ZFP37: variants seen among roughly 807,000 people sequenced by gnomAD.
ZFP37 encodes the protein zinc finger protein 37 homolog.
Under a neutral mutation model 52.1 loss-of-function variants are expected in ZFP37, and 38 were observed. That is an observed-to-expected ratio of 0.73 (90% CI 0.56 to 0.96). The LOEUF (loss-of-function observed/expected upper bound fraction) is 0.96. Ranked by LOEUF, ZFP37 falls within the 40% of genes least tolerant of loss-of-function variation. ZFP37 has a pLI of 0.00. For missense variants in ZFP37, 695 were observed against 741.4 expected, an observed-to-expected ratio of 0.94 and a Z score of 0.73; for synonymous variants, 253 against 259.5, an observed-to-expected ratio of 0.98 and a Z score of 0.24.
Position 113,042,732 on chromosome 9 carries a change from T to A in ZFP37, c.1886A>T (p.His629Leu). 6.5e-7 allele frequency: 1 copy of A among 1,545,018 alleles called. No individual in the cohort carries two copies. The highest frequency in any genetic ancestry group is 1.7e-4 in the Middle Eastern group (1 of 5,746). The change falls in exon 4 of 4, where the codon CAT becomes CTT. Residue 629 changes from histidine to leucine, a missense_variant. By Grantham distance (99) the His-to-Leu change is moderately conservative. This residue lies in a region of ZFP37 where 326 missense variants were observed against 400.5 expected (regional missense o/e 0.81). Transcript: ENST00000374227. ...HVKTHSEDKS[H>L]E ...AAATTTCCCACATTAACTTCACTCA[T>A]GAGATTTATCTTCTGAATGAGTTTT...
Position 113,044,168 on chromosome 9 carries a change from A to ATTCTTCTTAGCTTGAGTT in ZFP37, c.432_449dup (p.Lys144_Lys149dup), listed in dbSNP as rs1564344157. On this transcript the variant is annotated inframe_insertion, in exon 4 of 4. Transcript: ENST00000374227. ...TCCCCAGTGAACCACAGTCACTGCC[A>ATTCTTCTTAGCTTGAGTT]TTCTTCTTAGCTTGAGTTTTCTTCT... 2 of 1,610,904 alleles carry ATTCTTCTTAGCTTGAGTT rather than the reference A, an allele frequency of 1.2e-6. No homozygotes were observed. Among genetic ancestry groups the ATTCTTCTTAGCTTGAGTT allele is most frequent in the South Asian group, 1.1e-5 (1 of 89,956 alleles).
chr9:113,054,776 G>T (rs576514709), intron 1 of ZFP37, among the ~76,000 whole-genome samples: 1 of 152,310 alleles, frequency 6.6e-6, no homozygotes, highest in African/African-American at 2.4e-5. Flanking sequence ...ATCTCCAGAT[G>T]TATTCTGAAT....
At position 113,042,974 on chromosome 9, in the gene ZFP37, A is replaced by G. The variant is rs979188462; in HGVS notation, c.1644T>C (p.Asn548=). 7.4e-6 allele frequency: 12 copies of G among 1,613,742 alleles called. No homozygotes were observed. Among genetic ancestry groups the G allele is most frequent in the Non-Finnish European group, 1.0e-5 (12 of 1,179,912 alleles). ...VHTGEKPYEC[N]ECGKAFSQKS... ...TTTGGCTAAAGGCTTTCCCACATTCATTACACTCATACGGTTTCTCTCCAG... is the reference window on the plus strand; with the variant it reads ...TTTGGCTAAAGGCTTTCCCACATTCGTTACACTCATACGGTTTCTCTCCAG... Residue 548 remains asparagine, a synonymous_variant, in exon 4 of 4, where the codon AAT becomes AAC. Coordinates refer to ENST00000374227, the MANE Select transcript of ZFP37 (RefSeq NM_003408.3).
chr9:113,050,894 A>G (rs1370510302), intron 1 of ZFP37, among the ~76,000 whole-genome samples: 2 of 149,264 alleles, frequency 1.3e-5, no homozygotes, highest in African/African-American at 2.4e-5. Flanking sequence ...CTCCATCTCA[A>G]AAAAAAAAAA....
In ZFP37 at chr9:113,043,297, C is replaced by G; in HGVS notation, c.1321G>C (p.Ala441Pro). 1.9e-6 allele frequency: 3 copies of G among 1,613,978 alleles called. No homozygotes were observed. In the South Asian group the frequency reaches 3.3e-5, roughly 18 times the overall value. Residue 441 changes from alanine to proline, a missense_variant, in exon 4 of 4, where the codon GCC becomes CCC. This residue lies in a region of ZFP37 where 326 missense variants were observed against 400.5 expected (regional missense o/e 0.81). Coordinates refer to ENST00000374227, the MANE Select transcript of ZFP37 (RefSeq NM_003408.3). Reference protein sequence around the residue: ...IPYECNECGKAFKYSSSLTKH... With the variant: ...IPYECNECGKPFKYSSSLTKH... The stretch of plus-strand genomic sequence containing the variant: ...GTAAGGGATGAGCTATACTTAAAGG[C>G]TTTTCCACATTCATTGCATTCATAT...
rs528521381 is a variant in ZFP37, at chr9:113,041,257, G to A, written c.*1468C>T. The A allele has an allele frequency of 2.0e-5, 3 of 152,134 alleles. No homozygotes were observed. In the East Asian group the frequency reaches 5.8e-4, roughly 29 times the overall value. The allele number at this position is 152,134 out of a possible 1,614,324, so 9.4% of individuals were successfully genotyped here. ...GAAGTATTTTTAATCTATGGCTCAAGAGTAAAAAAAATCCAGGTGTGCAAT... is the reference window on the plus strand; with the variant it reads ...GAAGTATTTTTAATCTATGGCTCAAAAGTAAAAAAAATCCAGGTGTGCAAT... On this transcript the variant is annotated 3_prime_UTR_variant, in exon 4 of 4. Transcript: ENST00000374227.
chr9:113,043,591 G>A lies in ZFP37; in HGVS notation c.1027C>T (p.His343Tyr), dbSNP rs1013226467. 1.9e-6 allele frequency: 3 copies of A among 1,613,998 alleles called. No individual in the cohort carries two copies. The highest frequency in any genetic ancestry group is 1.1e-5 in the South Asian group (1 of 91,068). Residue 343 changes from histidine (H) to tyrosine (Y), a missense_variant, in exon 4 of 4, where the codon CAC (histidine) becomes TAC (tyrosine). This residue lies in a region of ZFP37 where 326 missense variants were observed against 400.5 expected (regional missense o/e 0.81). Transcript: ENST00000374227. ...CATTCATATGGTTTTTCTCCGGTGT[G>A]AGTTCTCTGATGTACAACAAGGTGT... Reference protein sequence around the residue: ...KSHLVVHQRTHTGEKPYECIQ... With the variant: ...KSHLVVHQRTYTGEKPYECIQ...
At chr9:113,045,512 T>C (rs1460495976) in intron 3 of ZFP37, among the ~76,000 whole-genome samples, 1 of 152,216 alleles carries the variant, frequency 6.6e-6, no homozygotes. Flanking sequence ...AATTTTAAGT[T>C]TATTCCCAGC....
chr9:113,049,033 G>A (rs1282252146), intron 3 of ZFP37, among the ~76,000 whole-genome samples: 1 of 152,216 alleles, frequency 6.6e-6, no homozygotes, highest in African/African-American at 2.4e-5. Context: ...CTTATTGTAA[G>A]TAACTAAAAT....
Position 113,044,070 on chromosome 9 carries a change from A to G in ZFP37, c.548T>C (p.Ile183Thr), listed in dbSNP as rs761456949. 6.2e-6 allele frequency: 10 copies of G among 1,609,104 alleles called. No homozygotes were observed. In the South Asian group the frequency reaches 6.7e-5, roughly 11 times the overall value. The change falls in exon 4 of 4, where the codon ATT becomes ACT. Residue 183 changes from isoleucine to threonine, a missense_variant. Physicochemically the swap from Ile to Thr is moderately conservative, Grantham distance 89 (BLOSUM62 -1). Coordinates refer to ENST00000374227, the MANE Select transcript of ZFP37 (RefSeq NM_003408.3). Reference sequence around the variant, plus strand: ...AGGTAAATCTAAATTCTGTTTCAAAATTTTTCCACATGACTCAAATTTAAG... The same window carrying G: ...AGGTAAATCTAAATTCTGTTTCAAAGTTTTTCCACATGACTCAAATTTAAG... ...RLLKFESCGK[I>T]LKQNLDLPDH...
At position 113,044,079 on chromosome 9, in the gene ZFP37, C is replaced by T. The variant is rs750166589; in HGVS notation, c.539G>A (p.Cys180Tyr). 2 of 1,609,254 alleles carry T rather than the reference C, an allele frequency of 1.2e-6. No individual in the cohort carries two copies. The highest frequency in any genetic ancestry group is 4.5e-5 in the East Asian group (2 of 44,838). The part of the protein sequence containing the change: ...SKKRLLKFES[C>Y]GKILKQNLDL... ...TAAATTCTGTTTCAAAATTTTTCCACATGACTCAAATTTAAGAAGCCTTTT... is the reference window on the plus strand; with the variant it reads ...TAAATTCTGTTTCAAAATTTTTCCATATGACTCAAATTTAAGAAGCCTTTT... Residue 180 changes from cysteine to tyrosine, a missense_variant, in exon 4 of 4, where the codon TGT becomes TAT. Transcript: ENST00000374227.
At position 113,044,035 on chromosome 9, in the gene ZFP37, T is replaced by A. The variant is rs749483709; in HGVS notation, c.583A>T (p.Arg195Ter). ...TCAGATTTCCTTTTTACACAGTTTC[T>A]TGAGTGATCAGGTAAATCTAAATTC... ...KQNLDLPDHS[R>*]NCVKRKSDAA... The change falls in exon 4 of 4, where the codon AGA becomes TGA. Residue 195 changes from arginine to a stop codon, truncating the protein, a stop_gained. Transcript: ENST00000374227. LOFTEE classifies it high-confidence loss of function. 1 of 1,613,564 alleles carries A rather than the reference T, an allele frequency of 6.2e-7. No homozygotes were observed. The highest frequency in any genetic ancestry group is 1.1e-5 in the South Asian group (1 of 90,902).
intron 1 of ZFP37, among the ~76,000 whole-genome samples, chr9:113,056,051 A>T (rs1279714680): frequency 3.6e-5 from 5 of 137,010 alleles, no homozygotes; most frequent in African/African-American, 1.1e-4. Context: ...TTACCCACTG[A>T]CCCTCAAAGA....
chr9:113,038,497 A>T lies in ZFP37; in HGVS notation c.*4228T>A, dbSNP rs945698045. 1.3e-5 allele frequency: 2 copies of T among 151,940 alleles called. No individual in the cohort carries two copies. Among genetic ancestry groups the T allele is most frequent in the African/African-American group, 4.8e-5 (2 of 41,396 alleles). 9.4% of individuals were successfully genotyped at this position (151,940 alleles called of 1,614,324 possible). A position where few individuals can be genotyped will look rare whatever the true frequency, so the allele number is the denominator to read the frequency against. On this transcript the variant is annotated 3_prime_UTR_variant, in exon 4 of 4. Transcript: ENST00000374227. ...TACTATGAAGGTTAAGAAATTAAAGATTTGGCCAAATGTGGTAGCTCACAC... is the reference window on the plus strand; with the variant it reads ...TACTATGAAGGTTAAGAAATTAAAGTTTTGGCCAAATGTGGTAGCTCACAC...
intron 1 of ZFP37, among the ~76,000 whole-genome samples, chr9:113,051,513 C>T (rs3780686): frequency 0.13 from 19,608 of 151,976 alleles, 1,306 homozygotes; most frequent in Admixed American, 0.17. Flanking sequence ...AGTGCAATAG[C>T]GTAATCATAG....
rs1026428399 is a variant in ZFP37 at position 113,042,401 on chromosome 9, A to C, written c.*324T>G. 1.9e-5 allele frequency: 4 copies of C among 209,248 alleles called. No individual in the cohort carries two copies. The highest frequency in any genetic ancestry group is 9.3e-5 in the African/African-American group (4 of 42,908). 13.0% of individuals were successfully genotyped at this position (209,248 alleles called of 1,614,324 possible). On this transcript the variant is annotated 3_prime_UTR_variant, in exon 4 of 4. Transcript: ENST00000374227. ...AGTACAAAACAAGAAGAAACACAGG[A>C]ACTGTCAGCATATATAACTTGTTTC...
chr9:113,056,504 G>T (rs1175813482), intron 1 of ZFP37, 53 bp downstream of exon 1: 8 of 1,599,226 alleles, frequency 5.0e-6, no homozygotes, highest in Non-Finnish European at 6.8e-6. Flanking sequence ...TCACTGCCCC[G>T]CAAGTACACC....
intron 1 of ZFP37, 30 bp downstream of exon 1, chr9:113,056,527 C>A: frequency 6.2e-7 from 1 of 1,609,970 alleles, no homozygotes; most frequent in Admixed American, 1.7e-5. Flanking sequence ...CTCTGACCGC[C>A]AAAACACCCT....
Position 113,043,055 on chromosome 9 carries a change from T to A in ZFP37, c.1563A>T (p.Gln521His). 6.2e-7 allele frequency: 1 copy of A among 1,613,628 alleles called. No homozygotes were observed. The highest frequency in any genetic ancestry group is 8.5e-7 in the Non-Finnish European group (1 of 1,179,952). The change falls in exon 4 of 4, where the codon CAA becomes CAT. Residue 521 changes from glutamine (Q) to histidine (H), a missense_variant. Coordinates refer to ENST00000374227, the MANE Select transcript of ZFP37 (RefSeq NM_003408.3). Reference sequence around the variant, plus strand: ...CAATTTGTTTAAAGCCTTTCCCACATTGATTACATTCAAAGGGACTTTCAC... The same window carrying A: ...CAATTTGTTTAAAGCCTTTCCCACAATGATTACATTCAAAGGGACTTTCAC... ...HTGESPFECNQCGKGFKQIEG... is the reference protein window; with the variant it reads ...HTGESPFECNHCGKGFKQIEG...
Sources: allele counts gnomAD v4.1 joint callset (sites outside exome capture counted in the v4.1 genomes callset), GRCh38; gene constraint gnomAD v4.1.1; regional missense constraint gnomAD v4.1.1; transcripts MANE v1.5; gene names NCBI Gene and HGNC (gene_info 2026-07-23, HGNC 2026-07-21).